Variants in DOCK11 observed in about 807,000 individuals in gnomAD.
The protein encoded by DOCK11 is dedicator of cytokinesis protein 11.
In DOCK11, 70 loss-of-function variants were observed where a neutral mutation model predicts 169.1. The ratio of observed to expected loss-of-function variants is 0.41; its 90% CI spans 0.34 to 0.51. The LOEUF (loss-of-function observed/expected upper bound fraction) is 0.51. Among genes scored for constraint, DOCK11 ranks in the 20% least tolerant of loss-of-function variants. DOCK11 has a pLI of 0.10. For missense variants in DOCK11, 1,166 were observed against 1,538.8 expected, an observed-to-expected ratio of 0.76 and a Z score of 4.05; for synonymous variants, 529 against 541.3, an observed-to-expected ratio of 0.98 and a Z score of 0.32.
At chrX:118,680,952 A>C in intron 49 of DOCK11, 106 bp from the exon 50 acceptor site, 1 of 763,174 alleles carries the variant, frequency 1.3e-6, no homozygotes, top group Non-Finnish European at 1.9e-6. Flanking sequence ...GTCATCTTCT[A>C]GATAAAGGAT....
intron 44 of DOCK11, among the ~76,000 whole-genome samples, 169 bp downstream of exon 44, chrX:118,655,130 T>C (rs769825942): frequency 9.0e-6 from 1 of 111,462 alleles, no homozygotes; most frequent in Admixed American, 9.6e-5. Flanking sequence ...CTGGATTGTT[T>C]GTTGTCCCTT....
At chrX:118,591,941 G>A (rs2014012261) in intron 19 of DOCK11, among the ~76,000 whole-genome samples, 1 of 105,406 alleles carries the variant, frequency 9.5e-6, no homozygotes, top group Admixed American at 1.0e-4. Flanking sequence ...CTTCATCCAT[G>A]TCCCTGCAAA....
chrX:118,579,353 C>G (rs1159738067), intron 13 of DOCK11, among the ~76,000 whole-genome samples: 1 of 111,680 alleles, frequency 9.0e-6, no homozygotes, highest in Non-Finnish European at 1.9e-5. Context: ...AATGGAAAAA[C>G]TGAGACCCCA....
chrX:118,645,999 T>C (rs1603152210), intron 40 of DOCK11, among the ~76,000 whole-genome samples: 4 of 94,737 alleles, frequency 4.2e-5, no homozygotes, highest in Non-Finnish European at 8.1e-5. Flanking sequence ...GAGGTTGCAG[T>C]GAGCCGAGAT....
intron 41 of DOCK11, among the ~76,000 whole-genome samples, chrX:118,651,101 T>C: frequency 9.0e-6 from 1 of 111,558 alleles, no homozygotes; most frequent in Non-Finnish European, 1.9e-5. Flanking sequence ...AACATCTTAG[T>C]ATGAATTGTT....
chrX:118,588,997 T>TA (rs1014025795), intron 18 of DOCK11, among the ~76,000 whole-genome samples: 1 of 112,126 alleles, frequency 8.9e-6, no homozygotes, highest in African/African-American at 3.2e-5. Context: ...ACAGTGCCTT[T>TA]ATATTTTTAC....
chrX:118,662,889 G>A, intron 45 of DOCK11, 97 bp downstream of exon 45: 1 of 538,426 alleles, frequency 1.9e-6, no homozygotes, highest in Non-Finnish European at 3.1e-6. Flanking sequence ...AATTTTGAAG[G>A]TAACTAAGGG....
intron 41 of DOCK11, among the ~76,000 whole-genome samples, chrX:118,650,672 C>T (rs2015924566): frequency 1.8e-5 from 2 of 111,734 alleles, no homozygotes; most frequent in African/African-American, 3.3e-5. Context: ...TGGAAACCCA[C>T]CTTCCCCTAG....
intron 44 of DOCK11, among the ~76,000 whole-genome samples, chrX:118,658,253 G>C (rs1411851505): frequency 1.8e-5 from 2 of 112,301 alleles, no homozygotes; most frequent in Non-Finnish European, 3.8e-5. Context: ...CATATCCATT[G>C]CCAAAAATGT....
At chrX:118,555,221 AT>A (rs2012640556) in intron 6 of DOCK11, among the ~76,000 whole-genome samples, 1 of 111,544 alleles carries the variant, frequency 9.0e-6, no homozygotes, top group Non-Finnish European at 1.9e-5. Context: ...AAGCTATTTG[AT>A]TTTTACTCAG....
chrX:118,567,198 C>A (rs1377999006), intron 9 of DOCK11, among the ~76,000 whole-genome samples: 1 of 111,369 alleles, frequency 9.0e-6, no homozygotes, highest in Admixed American at 9.6e-5. Context: ...AGTATCTTAC[C>A]ACGATACTGT....
rs890518853 is a variant in DOCK11, at chrX:118,641,185, C to T, written c.4145-5C>T. On this transcript the variant is annotated splice_region_variant and splice_polypyrimidine_tract_variant and intron_variant, in intron 38 of 52. Coordinates refer to ENST00000276202, the MANE Select transcript of DOCK11 (RefSeq NM_144658.4). ...GAAAAGTTTAATTTACTTTTTTAAT[C>T]CTAGGTTCTACAACAACTGAAGCAG... The T allele has an allele frequency of 5.1e-6, 6 of 1,179,905 alleles. No individual in the cohort carries two copies. The Admixed American group carries it at 1.3e-4, about 26-fold the overall frequency.
chrX:118,532,638 A>G (rs367740947), intron 1 of DOCK11, among the ~76,000 whole-genome samples: 13 of 109,627 alleles, frequency 1.2e-4, no homozygotes, highest in African/African-American at 3.0e-4. Context: ...AAAATTAGTC[A>G]GGCGTGGTGG....
At position 118,599,524 on chromosome X, in the gene DOCK11, G is replaced by T. The variant is rs775207777; in HGVS notation, c.2562+296G>T. Among the ~76,000 whole-genome samples the T allele has an allele frequency of 7.1e-5, 8 of 111,910 alleles. No homozygotes were observed. The South Asian group carries it at 3.0e-3, about 42-fold the overall frequency. ...GATTTTTCAGGGGCTTTCTCTTCCT[G>T]CTGACTGCCCAATAAAGGTGGAGGA... On this transcript the variant is annotated intron_variant, in intron 23 of 52. Transcript: ENST00000276202.
intron 35 of DOCK11, among the ~76,000 whole-genome samples, chrX:118,635,783 T>C (rs910220887): frequency 9.0e-5 from 10 of 111,241 alleles, no homozygotes; most frequent in African/African-American, 2.9e-4. Context: ...AGAAGGGGTT[T>C]CATCATGTTG....
chrX:118,496,681 C>G (rs1405192992), intron 1 of DOCK11, among the ~76,000 whole-genome samples: 1 of 111,944 alleles, frequency 8.9e-6, no homozygotes, highest in African/African-American at 3.2e-5. Flanking sequence ...AGGGGTGCTG[C>G]TGCGGAGGAA....
At chrX:118,635,207 C>G (rs1430736447) in intron 35 of DOCK11, among the ~76,000 whole-genome samples, 2 of 112,014 alleles carry the variant, frequency 1.8e-5, no homozygotes, top group African/African-American at 6.5e-5. Context: ...CCAACATTGT[C>G]TTGTCTTCCA....
chrX:118,533,471 G>A (rs1227320732), intron 1 of DOCK11, among the ~76,000 whole-genome samples: 3 of 112,028 alleles, frequency 2.7e-5, no homozygotes, highest in South Asian at 3.7e-4. Flanking sequence ...TTTCAAACTA[G>A]AGTCTGTCAG....
In DOCK11 at chrX:118,566,102, T is replaced by C; in HGVS notation, c.791T>C (p.Leu264Ser). ...ACTGAGCAGGAAATGGAGGAATGGT[T>C]GATAACTTTGAAAAAGATTATTCAG... ...AETEQEMEEW[L>S]ITLKKIIQIN... Residue 264 changes from leucine to serine, a missense_variant, in exon 8 of 53, where the codon TTG (leucine) becomes TCG (serine). Leu to Ser is a moderately radical substitution (Grantham distance 145, BLOSUM62 -2). Transcript: ENST00000276202. 2 of 1,210,606 alleles carry C rather than the reference T, an allele frequency of 1.7e-6. No individual in the cohort carries two copies. Among genetic ancestry groups the C allele is most frequent in the Non-Finnish European group, 2.2e-6 (2 of 894,576 alleles).
Sources: allele counts gnomAD v4.1 joint callset (sites outside exome capture counted in the v4.1 genomes callset), GRCh38; gene constraint gnomAD v4.1.1; transcripts MANE v1.5; gene names NCBI Gene and HGNC (gene_info 2026-07-23, HGNC 2026-07-21).